Variants in HAGH observed in about 807,000 individuals in gnomAD.
HAGH encodes the protein hydroxyacylglutathione hydrolase, mitochondrial.
In HAGH, 29 loss-of-function variants were observed where a neutral mutation model predicts 35.1. That is an observed-to-expected ratio of 0.83 (90% CI 0.62 to 1.13). The LOEUF (loss-of-function observed/expected upper bound fraction) is 1.13. Ranked by LOEUF, HAGH falls within the 50% of genes most tolerant of loss-of-function variation. HAGH has a pLI of 0.00. For missense variants in HAGH, 478 were observed against 419.6 expected (o/e 1.14, Z -1.22); for synonymous variants, 225 against 176.1 (o/e 1.28, Z -2.20).
At chr16:1,809,460 CG>C in intron 8 of HAGH, 78 bp from the exon 9 acceptor site, 3 of 1,224,320 alleles carry the variant, frequency 2.5e-6, no homozygotes, top group Non-Finnish European at 2.4e-6. Context: ...CAGAGGAAGG[CG>C]ACTCGTGCTG....
chr16:1,823,372 G>GAGTGA, intron 1 of HAGH, among the ~76,000 whole-genome samples: 1 of 150,538 alleles, frequency 6.6e-6, no homozygotes, highest in South Asian at 2.1e-4. Flanking sequence ...GGTTCACGCC[G>GAGTGA]TTCTCCTGTC....
At position 1,822,907 on chromosome 16, in the gene HAGH, C is replaced by T; in HGVS notation, c.207G>A (p.Glu69=). 6.2e-7 allele frequency: 1 copy of T among 1,613,892 alleles called. No individual in the cohort carries two copies. Among genetic ancestry groups the T allele is most frequent in the South Asian group, 1.1e-5 (1 of 91,080 alleles). ...DNYMYLVIDD[E]TKEAAIVDPV... ...GATCCACAATGGCAGCCTCCTTGGTCTCATCATCAATGACCAGGTACATGT... is the reference window on the plus strand; with the variant it reads ...GATCCACAATGGCAGCCTCCTTGGTTTCATCATCAATGACCAGGTACATGT... Residue 69 remains glutamate (E), a synonymous_variant, in exon 2 of 9, where the codon GAG becomes GAA. Transcript: ENST00000397356.
At chr16:1,824,547 A>T (rs578174832) in intron 1 of HAGH, among the ~76,000 whole-genome samples, 2 of 152,332 alleles carry the variant, frequency 1.3e-5, no homozygotes, top group South Asian at 4.1e-4. Context: ...TCCGCTCTAC[A>T]CGGGGAAGAA....
At chr16:1,819,860 G>A (rs770529534) in intron 4 of HAGH, 37 bp downstream of exon 4, 1 of 1,318,304 alleles carries the variant, frequency 7.6e-7, no homozygotes, top group South Asian at 1.2e-5. Flanking sequence ...GCTCCTGACA[G>A]GGCCACGCTG....
chr16:1,824,962 T>A (rs1375259964), intron 1 of HAGH, among the ~76,000 whole-genome samples: 1 of 152,158 alleles, frequency 6.6e-6, no homozygotes, highest in Non-Finnish European at 1.5e-5. Flanking sequence ...TGTGACAGGA[T>A]TCCGAGTGCC....
At chr16:1,825,242 C>G (rs1898344420) in intron 1 of HAGH, among the ~76,000 whole-genome samples, 1 of 152,102 alleles carries the variant, frequency 6.6e-6, no homozygotes, top group African/African-American at 2.4e-5. Context: ...CGCTTGAGCC[C>G]GGGAGGCAGA....
chr16:1,814,237 G>A (rs1240410054), intron 7 of HAGH, among the ~76,000 whole-genome samples: 5 of 152,124 alleles, frequency 3.3e-5, no homozygotes, highest in African/African-American at 9.7e-5. Flanking sequence ...CACTTTTGGA[G>A]CCCAAGGTGG....
At position 1,819,946 on chromosome 16, in the gene HAGH, T is replaced by C. The variant is rs1898074959; in HGVS notation, c.383A>G (p.Asp128Gly). The C allele has an allele frequency of 6.2e-7, 1 of 1,613,080 alleles. No individual in the cohort carries two copies. Among genetic ancestry groups the C allele is most frequent in the Non-Finnish European group, 8.5e-7 (1 of 1,179,544 alleles). Residue 128 changes from aspartate to glycine, a missense_variant, in exon 4 of 9, where the codon GAC (aspartate) becomes GGC (glycine). By Grantham distance (94) the Asp-to-Gly change is moderately conservative. Transcript: ENST00000397356. Reference protein sequence around the residue: ...ESGLKVYGGDDRIGALTHKIT... With the variant: ...ESGLKVYGGDGRIGALTHKIT... ...CTTGTGAGTCAGGGCCCCGATACGG[T>C]CGTCACCCCCGTACACCTTCAGTCC...
At chr16:1,826,894 G>A (rs2142059292), upstream of HAGH, 2 of 724,152 alleles carry the variant, frequency 2.8e-6, no homozygotes, top group South Asian at 3.7e-5. Flanking sequence ...GCCAATCAGC[G>A]TCCACCTCGC....
intron 7 of HAGH, among the ~76,000 whole-genome samples, chr16:1,814,149 A>G (rs182139874): frequency 3.9e-5 from 6 of 152,094 alleles, no homozygotes; most frequent in East Asian, 1.9e-4. Flanking sequence ...GTATGCAAAG[A>G]TATCTTAGAA....
At chr16:1,819,748 A>G in intron 4 of HAGH, 149 bp downstream of exon 4, 3 of 568,446 alleles carry the variant, frequency 5.3e-6, no homozygotes, top group Non-Finnish European at 9.3e-6. Flanking sequence ...GTGCCTAGAC[A>G]GAGAAGACCA....
At chr16:1,823,472 T>A (rs1898248864) in intron 1 of HAGH, among the ~76,000 whole-genome samples, 1 of 151,726 alleles carries the variant, frequency 6.6e-6, no homozygotes. Context: ...TTTCATGGTG[T>A]TAGCCAGGAT....
chr16:1,825,089 C>A (rs1359176161), intron 1 of HAGH, among the ~76,000 whole-genome samples: 2 of 152,164 alleles, frequency 1.3e-5, no homozygotes, highest in African/African-American at 4.8e-5. Flanking sequence ...GAGGCCGAGG[C>A]GGGCGGATCG....
chr16:1,827,168 C>T, upstream of HAGH: 6 of 1,539,494 alleles, frequency 3.9e-6, no homozygotes, highest in South Asian at 6.1e-5. Flanking sequence ...GCAGTTGGTC[C>T]TCTCCGGGAT....
upstream of HAGH, chr16:1,826,903 G>A: frequency 1.4e-6 from 1 of 702,152 alleles, no homozygotes; most frequent in Admixed American, 3.7e-5. Flanking sequence ...CGTCCACCTC[G>A]CACCGTCCGC....
At chr16:1,820,163 C>T (rs1467977983) in intron 3 of HAGH, 149 bp from the exon 4 acceptor site, 4 of 677,926 alleles carry the variant, frequency 5.9e-6, no homozygotes, top group East Asian at 2.5e-5. Flanking sequence ...CAAAGGAAAC[C>T]GAGGAAGCAA....
rs908001245 is a variant in HAGH at position 1,809,214 on chromosome 16, C to A, written c.*69G>T. 8 of 1,048,756 alleles carry A rather than the reference C, an allele frequency of 7.6e-6. No individual in the cohort carries two copies. Among genetic ancestry groups the A allele is most frequent in the Non-Finnish European group, 1.2e-5 (8 of 693,498 alleles). 65.0% of individuals were successfully genotyped at this position (1,048,756 alleles called of 1,614,324 possible). ...TTAAATCAAGACTGAATTTCCCGCA[C>A]GGACCAGCAGGAAAGCCAGTTACCT... On this transcript the variant is annotated 3_prime_UTR_variant, in exon 9 of 9. Transcript: ENST00000397356.
chr16:1,827,045 C>G (rs1898474524), upstream of HAGH: 1 of 819,524 alleles, frequency 1.2e-6, no homozygotes, highest in Non-Finnish European at 1.8e-6. Flanking sequence ...CGAGCCTCCG[C>G]CTCTTTTTTG....
chr16:1,824,323 C>T (rs1017156116), intron 1 of HAGH, among the ~76,000 whole-genome samples: 2 of 138,894 alleles, frequency 1.4e-5, no homozygotes, highest in Non-Finnish European at 3.1e-5. Flanking sequence ...TTGGCCACAA[C>T]TGCCCCCAGA....
Sources: gnomAD v4.1 joint callset for allele counts (sites outside exome capture counted in the v4.1 genomes callset) on GRCh38, gnomAD v4.1.1 for gene constraint, MANE v1.5 for transcripts, NCBI Gene and HGNC (gene_info 2026-07-23, HGNC 2026-07-21) for gene names.